SLC22A4: variants seen among roughly 807,000 people sequenced by gnomAD.
SLC22A4 encodes the protein solute carrier family 22 member 4, also known as ET transporter.
A neutral mutation model predicts 56.6 loss-of-function variants in SLC22A4; 39 were observed. The ratio of observed to expected loss-of-function variants is 0.69; its 90% confidence interval spans 0.53 to 0.90. The LOEUF is 0.90. Among genes scored for constraint, SLC22A4 ranks in the 40% least tolerant of loss-of-function variants. The probability of loss-of-function intolerance (pLI) is 0.00; values close to 1 mark genes in which losing one functional copy is unlikely to be tolerated. For missense variants in SLC22A4, 594 were observed against 696.5 expected (o/e 0.85, Z 1.66); for synonymous variants, 241 against 281.4 (o/e 0.86, Z 1.44).
chr5:132,325,999 T>C (rs1750678047), intron 4 of SLC22A4, among the ~76,000 whole-genome samples: 1 of 152,242 alleles, frequency 6.6e-6, no homozygotes, highest in African/African-American at 2.4e-5. Context: ...AACTGACCTT[T>C]CATCTACATG....
intron 1 of SLC22A4, among the ~76,000 whole-genome samples, chr5:132,296,515 G>C (rs1298131995): frequency 6.6e-6 from 1 of 152,276 alleles, no homozygotes; most frequent in African/African-American, 2.4e-5. Context: ...GCCAGGCGTG[G>C]TGGTTGTCGA....
chr5:132,311,316 T>C (rs1017790192), intron 1 of SLC22A4: 3 of 152,252 alleles, frequency 2.0e-5, no homozygotes, highest in African/African-American at 7.2e-5. Context: ...TTTTAATAAA[T>C]GAAAGGTCAC....
At position 132,325,415 on chromosome 5, in the gene SLC22A4, A is replaced by G. The variant is rs1266431246; in HGVS notation, c.825-1862A>G. 2.6e-5 allele frequency among the ~76,000 whole-genome samples: 4 copies of G among 152,372 alleles called. No homozygotes were observed. In the East Asian group the frequency reaches 7.7e-4, roughly 29 times the overall value. On this transcript the variant is annotated intron_variant, in intron 4 of 9. Transcript: ENST00000200652. ...GATACAGAACATTTCAGAAGTTTCT[A>G]TCGGACAGCACAGTTCTAATTACTG...
Position 132,335,917 on chromosome 5 carries a change from C to T in SLC22A4, c.1361C>T (p.Thr454Ile), listed in dbSNP as rs760456007. 13 of 1,614,048 alleles carry T rather than the reference C, an allele frequency of 8.1e-6. No individual in the cohort carries two copies. The highest frequency in any genetic ancestry group is 1.3e-5 in the African/African-American group (1 of 74,928). Reference sequence around the variant, plus strand: ...GTCTTCACTGCTGAGCTCTACCCAACCCTGGTCAGGAACATGGCGGTGGGG... The same window carrying T: ...GTCTTCACTGCTGAGCTCTACCCAATCCTGGTCAGGAACATGGCGGTGGGG... ...LYVFTAELYP[T>I]LVRNMAVGVT... The change falls in exon 8 of 10, where the codon ACC becomes ATC. Residue 454 changes from threonine to isoleucine, a missense_variant. By Grantham distance (89) the Thr-to-Ile change is moderately conservative (BLOSUM62 -1). Transcript: ENST00000200652.
chr5:132,308,782 C>T (rs1352067164), intron 1 of SLC22A4, among the ~76,000 whole-genome samples: 1 of 152,138 alleles, frequency 6.6e-6, no homozygotes, highest in Non-Finnish European at 1.5e-5. Context: ...ACATAGTAAC[C>T]CCGGGAGGCC....
intron 1 of SLC22A4, among the ~76,000 whole-genome samples, chr5:132,304,638 T>A (rs1392132804): frequency 6.6e-6 from 1 of 151,928 alleles, no homozygotes; most frequent in East Asian, 1.9e-4. Context: ...AGAAGAAAGA[T>A]CAGGGAAATG....
chr5:132,333,254 C>G (rs1343009384), intron 6 of SLC22A4, among the ~76,000 whole-genome samples: 1 of 152,224 alleles, frequency 6.6e-6, no homozygotes, highest in Non-Finnish European at 1.5e-5. Context: ...TCACAGCTTG[C>G]AGCGTCCAAT....
At chr5:132,316,173 T>C (rs1171645198) in intron 3 of SLC22A4, among the ~76,000 whole-genome samples, 1 of 152,216 alleles carries the variant, frequency 6.6e-6, no homozygotes, top group Non-Finnish European at 1.5e-5. Context: ...TCACATTAAC[T>C]TGGGAAGCCA....
intron 5 of SLC22A4, among the ~76,000 whole-genome samples, chr5:132,330,789 T>C (rs1466399356): frequency 6.6e-6 from 1 of 152,086 alleles, no homozygotes; most frequent in Non-Finnish European, 1.5e-5. Flanking sequence ...TTGATAGCAG[T>C]AAGGATTTGT....
At chr5:132,333,357 A>G (rs938424890) in intron 6 of SLC22A4, among the ~76,000 whole-genome samples, 4 of 152,210 alleles carry the variant, frequency 2.6e-5, no homozygotes, top group African/African-American at 9.7e-5. Context: ...GAAGGGTACC[A>G]CCGCTCCTCT....
chr5:132,342,660 T>A (rs1433607242), intron 9 of SLC22A4, among the ~76,000 whole-genome samples: 44 of 152,226 alleles, frequency 2.9e-4, no homozygotes, highest in Admixed American at 2.7e-3. Flanking sequence ...ACAAATCCCC[T>A]CCTTGGGTTT....
Position 132,334,819 on chromosome 5 carries a change from C to T in SLC22A4, c.1148C>T (p.Pro383Leu). ...TTCCTCTCTGCCTTGATTGAAATTC[C>T]AGCTTACATTACAGCCTGGCTGCTA... is the stretch of plus-strand genomic sequence containing the variant. The part of the protein sequence containing the change: ...NCFLSALIEI[P>L]AYITAWLLLR... The change falls in exon 7 of 10, where the codon CCA becomes CTA. Residue 383 changes from proline to leucine, a missense_variant. Physicochemically the swap from Pro to Leu is moderately conservative, Grantham distance 98. Coordinates refer to ENST00000200652, the MANE Select transcript of SLC22A4 (RefSeq NM_003059.3). The T allele has an allele frequency of 6.2e-7, 1 of 1,613,798 alleles. No homozygotes were observed. The highest frequency in any genetic ancestry group is 8.5e-7 in the Non-Finnish European group (1 of 1,179,730).
intron 1 of SLC22A4, among the ~76,000 whole-genome samples, chr5:132,310,465 T>C (rs1171169002): frequency 2.0e-5 from 3 of 152,224 alleles, no homozygotes; most frequent in Admixed American, 6.5e-5. Context: ...AATCTGGCCA[T>C]ACAGTTTTAG....
In SLC22A4 at chr5:132,343,883, C is replaced by T. The variant is rs763161391; in HGVS notation, c.*48C>T. The T allele has an allele frequency of 9.0e-6, 11 of 1,219,756 alleles. No homozygotes were observed. The highest frequency in any genetic ancestry group is 1.3e-5 in the Non-Finnish European group (11 of 831,824). 75.6% of individuals were successfully genotyped at this position (1,219,756 alleles called of 1,614,324 possible). On this transcript the variant is annotated 3_prime_UTR_variant, in exon 10 of 10. Transcript: ENST00000200652. ...GAAGTGAAAAACAGAAAAATAAGAC[C>T]CTGTGGAGAAATTCGTTGTTCCCAC...
chr5:132,343,867 A>C lies in SLC22A4; in HGVS notation c.*32A>C. The C allele has an allele frequency of 7.1e-7, 1 of 1,406,152 alleles. No homozygotes were observed. The highest frequency in any genetic ancestry group is 1.2e-5 in the South Asian group (1 of 84,286). 87.1% of individuals were successfully genotyped at this position (1,406,152 alleles called of 1,614,324 possible). A position where few individuals can be genotyped will look rare whatever the true frequency, so the allele number is the denominator to read the frequency against. On this transcript the variant is annotated 3_prime_UTR_variant, in exon 10 of 10. Transcript: ENST00000200652. ...ATCTACCCCATTTGGTGAAGTGAAA[A>C]ACAGAAAAATAAGACCCTGTGGAGA...
At chr5:132,311,948 G>C in intron 1 of SLC22A4, 5 of 616,580 alleles carry the variant, frequency 8.1e-6, no homozygotes, top group Non-Finnish European at 1.2e-5. Flanking sequence ...GTTTCAGGGA[G>C]GGCAGTGACC....
rs981322858 is a variant in SLC22A4, at chr5:132,336,123, C to T, written c.1444+123C>T. On this transcript the variant is annotated intron_variant, in intron 8 of 9. Transcript: ENST00000200652. ...TGGAAAAAAGTACAAGTTCACCTCT[C>T]CTCTCCCAGGAGGAGCTCTAGAAAG... 1.3e-5 allele frequency: 13 copies of T among 999,648 alleles called. 1 individual carries two copies. The highest frequency in any genetic ancestry group is 6.8e-5 in the South Asian group (5 of 73,074). 61.9% of individuals were successfully genotyped at this position (999,648 alleles called of 1,614,324 possible). A position where few individuals can be genotyped will look rare whatever the true frequency, so the allele number is the denominator to read the frequency against.
chr5:132,340,594 G>A lies in SLC22A4; in HGVS notation c.1474G>A (p.Val492Ile), dbSNP rs188858026. 2.9e-5 allele frequency: 46 copies of A among 1,613,828 alleles called. No individual in the cohort carries two copies. The highest frequency in any genetic ancestry group is 3.4e-5 in the Non-Finnish European group (40 of 1,179,816). The change falls in exon 9 of 10, where the codon GTC (valine) becomes ATC (isoleucine). Residue 492 changes from valine (V) to isoleucine (I), a missense_variant. Physicochemically the swap from Val to Ile is conservative, Grantham distance 29 (BLOSUM62 3). Transcript: ENST00000200652. ...GAYNRMLPYI[V>I]MGSLTVLIGI... ...TTACAACAGAATGCTGCCCTACATC[G>A]TCATGGGTAGTCTGACTGTCCTGAT... is the stretch of plus-strand genomic sequence containing the variant.
chr5:132,338,317 T>C (rs1751087325), intron 8 of SLC22A4, among the ~76,000 whole-genome samples: 1 of 151,880 alleles, frequency 6.6e-6, no homozygotes, highest in South Asian at 2.1e-4. Context: ...AGAGATCACG[T>C]GCTTCACAAG....
Sources: gnomAD v4.1 joint callset for allele counts (sites outside exome capture counted in the v4.1 genomes callset) on GRCh38, gnomAD v4.1.1 for gene constraint, MANE v1.5 for transcripts, NCBI Gene and HGNC (gene_info 2026-07-23, HGNC 2026-07-21) for gene names.